Variants in PIK3CD observed in about 807,000 individuals in gnomAD.
The protein encoded by PIK3CD is phosphatidylinositol 4,5-bisphosphate 3-kinase catalytic subunit delta isoform.
PIK3CD carries 20 observed loss-of-function variants against 122.9 expected under a neutral mutation model. The ratio of observed to expected loss-of-function variants is 0.16; its 90% confidence interval spans 0.11 to 0.24. The LOEUF (loss-of-function observed/expected upper bound fraction) is 0.24. Among genes scored for constraint, PIK3CD ranks in the 10% least tolerant of loss-of-function variants. PIK3CD has a pLI of 1.00. For missense variants in PIK3CD, 787 were observed against 1,406.3 expected (o/e 0.56, Z 7.04); for synonymous variants, 596 against 593.4 (o/e 1.00, Z -0.06).
At chr1:9,672,589 A>G (rs937446700) in intron 1 of PIK3CD, 1 of 151,968 alleles carries the variant, frequency 6.6e-6, no homozygotes, top group Non-Finnish European at 1.5e-5. Flanking sequence ...ATGCCCAGCT[A>G]ATTTTTTTCA....
chr1:9,713,664 C>G (rs1030984593), intron 3 of PIK3CD, among the ~76,000 whole-genome samples: 5 of 152,050 alleles, frequency 3.3e-5, no homozygotes, highest in African/African-American at 4.8e-5. Context: ...AATCCTAGCT[C>G]TCTGCAGCCT....
At chr1:9,629,335 C>A in the PIK3CD span, among the ~76,000 whole-genome samples, 1 of 151,988 alleles carries the variant, frequency 6.6e-6, no homozygotes, top group African/African-American at 2.4e-5. Flanking sequence ...CCTGTCCTCC[C>A]AGCTCACACA....
intron 1 of PIK3CD, among the ~76,000 whole-genome samples, chr1:9,683,268 C>G (rs1645836648): frequency 6.6e-6 from 1 of 151,682 alleles, no homozygotes; most frequent in Non-Finnish European, 1.5e-5. Flanking sequence ...GAAAACCCAT[C>G]TCTACTAAAA....
the PIK3CD span, among the ~76,000 whole-genome samples, chr1:9,639,053 C>T: frequency 6.6e-6 from 1 of 152,106 alleles, no homozygotes; most frequent in African/African-American, 2.4e-5. Flanking sequence ...ACGCGTGAGC[C>T]ATCGCCTCCG....
the PIK3CD span, among the ~76,000 whole-genome samples, chr1:9,642,791 C>G: frequency 6.6e-6 from 1 of 150,988 alleles, no homozygotes; most frequent in Non-Finnish European, 1.5e-5. Flanking sequence ...GCTGTTGCTG[C>G]TATTGAAAAA....
upstream of PIK3CD, among the ~76,000 whole-genome samples, chr1:9,650,492 C>A (rs1251327977): frequency 6.6e-6 from 1 of 151,468 alleles, no homozygotes; most frequent in Non-Finnish European, 1.5e-5. Context: ...GGTGTCGTGG[C>A]GTGTGCCTGT....
chr1:9,689,816 C>T lies in PIK3CD; in HGVS notation c.-137-1651C>T, dbSNP rs1438571703. On this transcript the variant is annotated intron_variant, in intron 1 of 23. Coordinates refer to ENST00000377346, the MANE Select transcript of PIK3CD (RefSeq NM_005026.5). The surrounding 1 kb of genome is among the most constrained non-coding windows in gnomAD (Gnocchi z 6.1). Reference sequence around the variant, plus strand: ...ACCCCGCCCAGCCCCGGGCTTTGTCCGCCTGGGGCGGGGTGGGCAGGGTCG... The same window carrying T: ...ACCCCGCCCAGCCCCGGGCTTTGTCTGCCTGGGGCGGGGTGGGCAGGGTCG... 4.0e-5 allele frequency among the ~76,000 whole-genome samples: 6 copies of T among 151,772 alleles called. No individual in the cohort carries two copies. Among genetic ancestry groups the T allele is most frequent in the Non-Finnish European group, 8.8e-5 (6 of 67,800 alleles).
In PIK3CD at chr1:9,721,867, C is replaced by T. The variant is rs1648721377; in HGVS notation, c.2055+7C>T. On this transcript the variant is annotated splice_region_variant and intron_variant, in intron 16 of 23. Coordinates refer to ENST00000377346, the MANE Select transcript of PIK3CD (RefSeq NM_005026.5). ...GAAGGTGCTGATGAAGCAGGTGAGG[C>T]CCAAGGCCCTGGGGGGCGGGCAGGG... The T allele has an allele frequency of 6.2e-7, 1 of 1,612,940 alleles. No homozygotes were observed. The highest frequency in any genetic ancestry group is 8.5e-7 in the Non-Finnish European group (1 of 1,179,844).
chr1:9,686,265 A>G (rs1315089226), intron 1 of PIK3CD, among the ~76,000 whole-genome samples: 1 of 152,122 alleles, frequency 6.6e-6, no homozygotes, highest in Non-Finnish European at 1.5e-5. Flanking sequence ...TCTTGGCTCC[A>G]TCATAGCTCA....
the PIK3CD span, among the ~76,000 whole-genome samples, chr1:9,634,637 G>A: frequency 2.1e-4 from 32 of 152,232 alleles, no homozygotes; most frequent in African/African-American, 7.7e-4. Context: ...AGTCCCATGA[G>A]GTCACTGAAA....
At chr1:9,713,713 A>G (rs1647146521) in intron 3 of PIK3CD, among the ~76,000 whole-genome samples, 1 of 151,838 alleles carries the variant, frequency 6.6e-6, no homozygotes, top group East Asian at 1.9e-4. Context: ...ATCTTAGCCT[A>G]CTGAGTAGCT....
chr1:9,720,612 T>A lies in PIK3CD; in HGVS notation c.1472T>A (p.Ile491Asn). The change falls in exon 12 of 24, where the codon ATC becomes AAC. Residue 491 changes from isoleucine (I) to asparagine (N), a missense_variant and splice_region_variant. Transcript: ENST00000377346. The surrounding 1 kb of genome is among the most constrained non-coding windows in gnomAD (Gnocchi z 9.0). ...GCTGAGTGCAGCCGTTTGTTGCAGA[T>A]CTTGGAGCTGGGGCGACACAGCGAG... ...HPVYYPALEK[I>N]LELGRHSECV... 6.5e-7 allele frequency: 1 copy of A among 1,546,242 alleles called. No homozygotes were observed. Among genetic ancestry groups the A allele is most frequent in the Non-Finnish European group, 8.7e-7 (1 of 1,146,314 alleles).
chr1:9,650,630 GAAAAGAA>G (rs1644654243), upstream of PIK3CD, among the ~76,000 whole-genome samples: 1 of 150,328 alleles, frequency 6.7e-6, no homozygotes, highest in Middle Eastern at 3.2e-3. Context: ...TCAAAAAAAA[GAAAAGAA>G]AAAAGAAAAA....
chr1:9,677,644 A>G (rs1645587294), intron 1 of PIK3CD, among the ~76,000 whole-genome samples: 1 of 108,902 alleles, frequency 9.2e-6, no homozygotes, highest in South Asian at 3.9e-4. Flanking sequence ...GACCCTGTCT[A>G]AAAAAAAAAA....
the PIK3CD span, among the ~76,000 whole-genome samples, chr1:9,627,720 G>T: frequency 1.2e-4 from 19 of 152,314 alleles, no homozygotes; most frequent in African/African-American, 4.6e-4. Context: ...GGGAAGGGCG[G>T]CCAGGCCTCC....
chr1:9,707,124 T>C (rs1238650017), intron 2 of PIK3CD, among the ~76,000 whole-genome samples: 1 of 152,032 alleles, frequency 6.6e-6, no homozygotes, highest in Non-Finnish European at 1.5e-5. Context: ...CTTTTCACAC[T>C]TTTTAAAGTG....
chr1:9,703,265 A>G (rs75212133), intron 2 of PIK3CD, among the ~76,000 whole-genome samples: 1 of 152,232 alleles, frequency 6.6e-6, no homozygotes, highest in Non-Finnish European at 1.5e-5. Flanking sequence ...GTGTAGTGAT[A>G]GGCTGCGCCT....
At chr1:9,661,910 G>T (rs1363352732) in intron 1 of PIK3CD, among the ~76,000 whole-genome samples, 3 of 152,146 alleles carry the variant, frequency 2.0e-5, no homozygotes, top group South Asian at 2.1e-4. Flanking sequence ...GCAGGACAAT[G>T]GTGTGGACCC....
intron 1 of PIK3CD, among the ~76,000 whole-genome samples, chr1:9,660,228 G>A (rs1243806460): frequency 3.9e-5 from 6 of 152,162 alleles, no homozygotes; most frequent in Non-Finnish European, 5.9e-5. Flanking sequence ...ATGTTCTTTC[G>A]TTCCATTCAC....
Sources: gnomAD v4.1 joint callset for allele counts (sites outside exome capture counted in the v4.1 genomes callset) on GRCh38, gnomAD v4.1.1 for gene constraint, Gnocchi (gnomAD v3.1) non-coding constraint, MANE v1.5 for transcripts, NCBI Gene and HGNC (gene_info 2026-07-23, HGNC 2026-07-21) for gene names.